FGF1: variants seen among roughly 807,000 people sequenced by gnomAD.
FGF1 encodes the protein fibroblast growth factor 1, also known as beta-endothelial cell growth factor.
Under a neutral mutation model 13.4 loss-of-function variants are expected in FGF1, and 9 were observed. The ratio of observed to expected loss-of-function variants is 0.67; its 90% confidence interval spans 0.40 to 1.17. The LOEUF (loss-of-function observed/expected upper bound fraction) is 1.17. Among genes scored for constraint, FGF1 ranks in the 50% most tolerant of loss-of-function variants. The pLI is 0.01. For synonymous variants in FGF1, 93 were observed against 79.0 expected, an observed-to-expected ratio of 1.18 and a Z score of -0.94; for missense variants, 156 against 192.7, an observed-to-expected ratio of 0.81 and a Z score of 1.13.
chr5:142,616,781 T>C (rs1760342330), intron 1 of FGF1, among the ~76,000 whole-genome samples: 1 of 152,232 alleles, frequency 6.6e-6, no homozygotes, highest in Admixed American at 6.5e-5. Flanking sequence ...GATATCTTTA[T>C]CCCTCACCTC....
At chr5:142,621,595 C>T (rs1014123640) in intron 1 of FGF1, among the ~76,000 whole-genome samples, 1 of 152,184 alleles carries the variant, frequency 6.6e-6, no homozygotes, top group Non-Finnish European at 1.5e-5. Flanking sequence ...CAACAGCAGA[C>T]AGCATTTCCT....
chr5:142,628,095 G>A (rs1762765682), intron 1 of FGF1, among the ~76,000 whole-genome samples: 1 of 152,184 alleles, frequency 6.6e-6, no homozygotes, highest in African/African-American at 2.4e-5. Context: ...CATGACTGGT[G>A]TCTGATAAGG....
intron 3 of FGF1, 75 bp downstream of exon 3, chr5:142,600,627 C>A (rs1018209055): frequency 2.8e-5 from 28 of 996,544 alleles, no homozygotes; most frequent in Non-Finnish European, 4.2e-5. Flanking sequence ...TATAGTTTGC[C>A]TCACTCCATG....
chr5:142,608,497 A>AAT (rs140055415), intron 2 of FGF1, among the ~76,000 whole-genome samples: 1,818 of 145,432 alleles, frequency 0.013, 33 homozygotes, highest in African/African-American at 0.034. Context: ...AGTGGTAAAA[A>AAT]ATATATATAT....
At position 142,595,406 on chromosome 5, in the gene FGF1, C is replaced by T. The variant is rs369740938; in HGVS notation, c.352G>A (p.Ala118Thr). The change falls in exon 4 of 4, where the codon GCA (alanine) becomes ACA (threonine). Residue 118 changes from alanine (A) to threonine (T), a missense_variant. Physicochemically the swap from Ala to Thr is moderately conservative, Grantham distance 58 (BLOSUM62 0). Coordinates refer to ENST00000337706, the MANE Select transcript of FGF1 (RefSeq NM_000800.5). ...AGGCCAACAAACCAATTCTTCTCTG[C>T]ATGCTTCTTGGATATATAGGTGTTG... ...HYNTYISKKH[A>T]EKNWFVGLKK... is the part of the protein sequence containing the mutation. 4.3e-6 allele frequency: 7 copies of T among 1,614,050 alleles called. No homozygotes were observed. The highest frequency in any genetic ancestry group is 2.2e-5 in the South Asian group (2 of 91,086).
At chr5:142,649,863 C>T (rs941417063) in intron 1 of FGF1, among the ~76,000 whole-genome samples, 7 of 152,240 alleles carry the variant, frequency 4.6e-5, no homozygotes, top group Admixed American at 2.0e-4. Context: ...AAGAAAAAAA[C>T]AATTTTCTTT....
At chr5:142,685,241 C>T (rs535175101) in intron 1 of FGF1, among the ~76,000 whole-genome samples, 108 of 152,172 alleles carry the variant, frequency 7.1e-4, no homozygotes, top group African/African-American at 2.3e-3. Flanking sequence ...GGTACTGAAA[C>T]GAGGATGTGA....
chr5:142,653,743 T>A (rs250201), intron 1 of FGF1, among the ~76,000 whole-genome samples: 1 of 152,160 alleles, frequency 6.6e-6, no homozygotes, highest in Admixed American at 6.5e-5. Context: ...ACTTTTATTT[T>A]TGTATTTTCT....
intron 1 of FGF1, chr5:142,671,752 G>A (rs1426859491): frequency 1.3e-5 from 2 of 152,198 alleles, no homozygotes; most frequent in South Asian, 2.1e-4. Context: ...GCTTCATAAC[G>A]ATAGCAATGA....
intron 1 of FGF1, among the ~76,000 whole-genome samples, chr5:142,629,896 T>TATATA (rs1554082565): frequency 1.0e-3 from 69 of 65,858 alleles, no homozygotes; most frequent in African/African-American, 3.2e-3. Flanking sequence ...TATATATATA[T>TATATA]TTTTTTTTTT....
chr5:142,623,995 C>T (rs549069009), intron 1 of FGF1, among the ~76,000 whole-genome samples: 1 of 152,190 alleles, frequency 6.6e-6, no homozygotes, highest in Non-Finnish European at 1.5e-5. Context: ...TCTTGGCTCA[C>T]TGCAACCTCC....
rs375379946 is a variant in FGF1 at position 142,614,090 on chromosome 5, G to T, written c.38C>A (p.Thr13Asn). The T allele has an allele frequency of 1.7e-5, 27 of 1,614,120 alleles. No homozygotes were observed. Among genetic ancestry groups the T allele is most frequent in the Non-Finnish European group, 1.9e-5 (23 of 1,180,044 alleles). Residue 13 changes from threonine (T) to asparagine (N), a missense_variant, in exon 2 of 4, where the codon ACC becomes AAC. Coordinates refer to ENST00000337706, the MANE Select transcript of FGF1 (RefSeq NM_000800.5). ...CCCTGGAGGCAGATTAAACTTCTCG[G>T]TCAGGGCTGTGAAGGTGGTGATTTC... ...EGEITTFTALTEKFNLPPGNY... is the reference protein window; with the variant it reads ...EGEITTFTALNEKFNLPPGNY...
intron 1 of FGF1, among the ~76,000 whole-genome samples, chr5:142,653,047 G>A (rs1767537192): frequency 6.6e-6 from 1 of 152,226 alleles, no homozygotes; most frequent in Admixed American, 6.5e-5. Context: ...CTTGGTGGCT[G>A]TTTTGAGCCC....
chr5:142,603,444 G>A (rs1757011780), intron 2 of FGF1, among the ~76,000 whole-genome samples: 1 of 151,580 alleles, frequency 6.6e-6, no homozygotes, highest in Non-Finnish European at 1.5e-5. Flanking sequence ...TTTCTTTCAT[G>A]GCACTTAGTA....
At chr5:142,669,728 G>T (rs181310895) in intron 1 of FGF1, among the ~76,000 whole-genome samples, 171 of 152,276 alleles carry the variant, frequency 1.1e-3, no homozygotes, top group South Asian at 3.3e-3. Context: ...CGCGAGCTCT[G>T]GAGAGAACCC....
chr5:142,688,598 C>T (rs1437246265), upstream of FGF1, among the ~76,000 whole-genome samples: 1 of 152,238 alleles, frequency 6.6e-6, no homozygotes, highest in African/African-American at 2.4e-5. Flanking sequence ...AAAGCTCTTA[C>T]ACCACTTTAA....
intron 1 of FGF1, among the ~76,000 whole-genome samples, chr5:142,619,639 G>T (rs948865632): frequency 2.0e-5 from 3 of 152,156 alleles, no homozygotes; most frequent in East Asian, 1.9e-4. Flanking sequence ...TTCGTGACCA[G>T]CCTGACGAAC....
chr5:142,643,463 A>G (rs1765515658), intron 1 of FGF1, among the ~76,000 whole-genome samples: 2 of 152,194 alleles, frequency 1.3e-5, no homozygotes, highest in Admixed American at 1.3e-4. Context: ...ATTCTGACAA[A>G]ATCAATTTTA....
chr5:142,620,370 A>G (rs1761319453), intron 1 of FGF1, among the ~76,000 whole-genome samples: 1 of 152,090 alleles, frequency 6.6e-6, no homozygotes, highest in Admixed American at 6.6e-5. Flanking sequence ...GTGAGCTGAG[A>G]TCGCGCCACT....
Sources: gnomAD v4.1 joint callset for allele counts (sites outside exome capture counted in the v4.1 genomes callset) on GRCh38, gnomAD v4.1.1 for gene constraint, MANE v1.5 for transcripts, NCBI Gene and HGNC (gene_info 2026-07-23, HGNC 2026-07-21) for gene names.